Variants in ADAMTSL1 observed in about 807,000 individuals in gnomAD.
ADAMTSL1 encodes ADAMTS-like protein 1.
ADAMTSL1 carries 126 observed loss-of-function variants against 201.8 expected under a neutral mutation model. The ratio of observed to expected loss-of-function variants is 0.62; its 90% CI spans 0.54 to 0.72. ADAMTSL1 has a LOEUF of 0.72. ADAMTSL1 is among the 30% of genes least tolerant of loss of function. The pLI is 0.00. For missense variants in ADAMTSL1, 2,679 were observed against 2,277.8 expected (o/e 1.18, Z -3.59); for synonymous variants, 1,121 against 903.4 (o/e 1.24, Z -4.32).
chr9:18,795,776 T>C lies in ADAMTSL1; in HGVS notation c.3805+252T>C, dbSNP rs781607465. ...AGGGTTGCAATGAGTGGAATTTTGA[T>C]AAGAGACAGGGATATTTCATGCAGA... On this transcript the variant is annotated intron_variant, in intron 20 of 28. Coordinates refer to ENST00000380548, the MANE Select transcript of ADAMTSL1 (RefSeq NM_001040272.6). Among the ~76,000 whole-genome samples the C allele has an allele frequency of 3.7e-4, 57 of 152,186 alleles. 1 individual carries two copies. The highest frequency in any genetic ancestry group is 6.5e-5 in the Admixed American group (1 of 15,286).
chr9:18,156,132 G>A (rs1274376519), intron 1 of ADAMTSL1, among the ~76,000 whole-genome samples: 1 of 151,992 alleles, frequency 6.6e-6, no homozygotes, highest in Non-Finnish European at 1.5e-5. Context: ...TGAACCTGCT[G>A]TAGTATCTCT....
chr9:17,968,703 G>C (rs905897381), intron 1 of ADAMTSL1, among the ~76,000 whole-genome samples: 3 of 152,110 alleles, frequency 2.0e-5, no homozygotes, highest in Non-Finnish European at 4.4e-5. Context: ...GGGACAGGCT[G>C]TGTCATGCAC....
chr9:18,775,556 T>C (rs533228904), intron 17 of ADAMTSL1, among the ~76,000 whole-genome samples, 187 bp from the exon 18 acceptor site: 2 of 152,318 alleles, frequency 1.3e-5, no homozygotes, highest in African/African-American at 4.8e-5. Flanking sequence ...TAGAAAATCT[T>C]AGAGTGCAAA....
chr9:18,356,577 T>C (rs1374842886), intron 2 of ADAMTSL1, among the ~76,000 whole-genome samples: 1 of 141,554 alleles, frequency 7.1e-6, no homozygotes, highest in Admixed American at 7.1e-5. Flanking sequence ...CCTAAAAAAT[T>C]TTATGCAGCT....
intron 1 of ADAMTSL1, among the ~76,000 whole-genome samples, chr9:18,142,069 G>T (rs1401487585): frequency 2.0e-5 from 3 of 152,158 alleles, no homozygotes; most frequent in African/African-American, 7.2e-5. Flanking sequence ...GCAGGAGCTT[G>T]CCTTGGATGT....
chr9:18,828,660 TTATATATATA>T (rs1554643931), intron 22 of ADAMTSL1, among the ~76,000 whole-genome samples: 4 of 28,532 alleles, frequency 1.4e-4, no homozygotes, highest in Admixed American at 5.9e-4. Flanking sequence ...GAAAGTATAT[TTATATATATA>T]TATATATATA....
chr9:18,512,781 A>G (rs369764120), intron 2 of ADAMTSL1, among the ~76,000 whole-genome samples: 10 of 152,302 alleles, frequency 6.6e-5, no homozygotes, highest in African/African-American at 2.4e-4. Flanking sequence ...TTATATATTA[A>G]TGCTTTCTTT....
chr9:18,288,390 AT>A (rs201559281), intron 2 of ADAMTSL1, among the ~76,000 whole-genome samples: 2 of 151,864 alleles, frequency 1.3e-5, no homozygotes, highest in Non-Finnish European at 2.9e-5. Context: ...GGTATTTGTT[AT>A]TTTTTTTGTT....
intron 10 of ADAMTSL1, among the ~76,000 whole-genome samples, chr9:18,678,914 C>T (rs1191016667): frequency 6.6e-6 from 1 of 152,110 alleles, no homozygotes; most frequent in Non-Finnish European, 1.5e-5. Flanking sequence ...TGAAAGAGAT[C>T]AGAAAGTCTC....
At chr9:17,963,992 A>G (rs1817865703) in intron 1 of ADAMTSL1, among the ~76,000 whole-genome samples, 1 of 152,024 alleles carries the variant, frequency 6.6e-6, no homozygotes, top group South Asian at 2.1e-4. Context: ...TTATTTTTTT[A>G]TTTAGTGCAA....
At chr9:18,880,080 A>C (rs1828432825) in intron 23 of ADAMTSL1, among the ~76,000 whole-genome samples, 1 of 152,186 alleles carries the variant, frequency 6.6e-6, no homozygotes, top group Non-Finnish European at 1.5e-5. Flanking sequence ...GCAGCAATTC[A>C]GTCACATCTT....
At chr9:18,530,535 C>G (rs150562587) in intron 2 of ADAMTSL1, among the ~76,000 whole-genome samples, 110 of 152,220 alleles carry the variant, frequency 7.2e-4, no homozygotes, top group African/African-American at 2.5e-3. Flanking sequence ...CACATAAACC[C>G]TAAATCCCCC....
In ADAMTSL1 at chr9:18,889,696, G is replaced by C; in HGVS notation, c.4591G>C (p.Val1531Leu). Residue 1531 changes from valine to leucine, a missense_variant, in exon 25 of 29, where the codon GTT becomes CTT. Val to Leu is a conservative substitution (Grantham distance 32). Transcript: ENST00000380548. ...EVNPAHCAGK[V>L]RPAVQPIACN... ...CAACCCTGCCCACTGCGCAGGGAAG[G>C]TTCGCCCTGCGGTGCAGCCCATCGC... 1.9e-6 allele frequency: 3 copies of C among 1,586,690 alleles called. No individual in the cohort carries two copies. The highest frequency in any genetic ancestry group is 2.6e-6 in the Non-Finnish European group (3 of 1,165,888).
chr9:18,712,396 G>A (rs1832672447), intron 14 of ADAMTSL1, among the ~76,000 whole-genome samples: 1 of 151,764 alleles, frequency 6.6e-6, no homozygotes, highest in African/African-American at 2.4e-5. Context: ...ATACAGAGAA[G>A]TGCTTAAAGG....
chr9:18,733,998 C>T (rs1818370249), intron 15 of ADAMTSL1, among the ~76,000 whole-genome samples: 1 of 150,682 alleles, frequency 6.6e-6, no homozygotes, highest in Non-Finnish European at 1.5e-5. Context: ...TGATTCCTAT[C>T]CCTTTATTCC....
intron 6 of ADAMTSL1, among the ~76,000 whole-genome samples, chr9:18,636,746 G>A (rs1204393464): frequency 6.6e-6 from 1 of 152,122 alleles, no homozygotes; most frequent in Non-Finnish European, 1.5e-5. Flanking sequence ...AAAATTATAG[G>A]CTATAAACAA....
chr9:18,655,819 A>AAAAAAAAAATAAAAAAAT (rs1828614129), intron 7 of ADAMTSL1, among the ~76,000 whole-genome samples: 1 of 101,044 alleles, frequency 9.9e-6, no homozygotes, highest in Non-Finnish European at 2.5e-5. Context: ...AAAAAAAAAA[A>AAAAAAAAAATAAAAAAAT]AAAAAAAAAA....
intron 20 of ADAMTSL1, among the ~76,000 whole-genome samples, chr9:18,815,649 A>G (rs776655913): frequency 2.2e-4 from 33 of 147,176 alleles, no homozygotes; most frequent in Admixed American, 1.8e-3. Flanking sequence ...CAGAGGCTGC[A>G]GTGAGCCAAC....
rs1176359383 is a variant in ADAMTSL1 at position 18,910,334 on chromosome 9, T to G, written c.*1786T>G. The G allele has an allele frequency of 6.6e-6, 1 of 152,236 alleles. No homozygotes were observed. The highest frequency in any genetic ancestry group is 1.5e-5 in the Non-Finnish European group (1 of 68,040). 9.4% of individuals were successfully genotyped at this position (152,236 alleles called of 1,614,324 possible). ...TTTGTGAATATTTATTAGGATTTCT[T>G]ATTAAAAAAGTGCAATATTAATAAT... On this transcript the variant is annotated 3_prime_UTR_variant, in exon 29 of 29. Coordinates refer to ENST00000380548, the MANE Select transcript of ADAMTSL1 (RefSeq NM_001040272.6).
Sources: allele counts gnomAD v4.1 joint callset (sites outside exome capture counted in the v4.1 genomes callset), GRCh38; gene constraint gnomAD v4.1.1; transcripts MANE v1.5; gene names NCBI Gene and HGNC (gene_info 2026-07-23, HGNC 2026-07-21).